The following PRIM2 variants were observed in gnomAD, a reference collection of about 807,000 sequenced individuals.
The protein encoded by PRIM2 is DNA primase subunit 2, also known as DNA primase large subunit.
PRIM2 carries 39 observed loss-of-function variants against 67.3 expected under a neutral mutation model. The ratio of observed to expected loss-of-function variants is 0.58; its 90% confidence interval spans 0.45 to 0.76. PRIM2 has a LOEUF of 0.76. Ranked by LOEUF, PRIM2 falls within the 30% of genes least tolerant of loss-of-function variation. PRIM2 has a pLI of 0.00. For missense variants in PRIM2, 398 were observed against 598.7 expected (o/e 0.66, Z 3.50); for synonymous variants, 143 against 198.7 (o/e 0.72, Z 2.36).
At chr6:57,344,635 A>T (rs1768609388) in intron 5 of PRIM2, among the ~76,000 whole-genome samples, 1 of 152,230 alleles carries the variant, frequency 6.6e-6, no homozygotes, top group African/African-American at 2.4e-5. Context: ...CCAACCTGGT[A>T]TTATTTTATG....
the PRIM2 span, among the ~76,000 whole-genome samples, chr6:57,298,896 A>C: frequency 1.3e-5 from 2 of 151,620 alleles, no homozygotes; most frequent in South Asian, 4.2e-4. Flanking sequence ...TGCCTCCCCC[A>C]CCCTATTCTC....
At chr6:57,620,399 G>A (rs1289039988) in intron 12 of PRIM2, among the ~76,000 whole-genome samples, 6 of 152,104 alleles carry the variant, frequency 3.9e-5, no homozygotes, top group Admixed American at 6.5e-5. Context: ...AGGGATTAGG[G>A]CCCTATCTAC....
chr6:57,532,751 G>A (rs1378798699), intron 9 of PRIM2, among the ~76,000 whole-genome samples: 9 of 152,124 alleles, frequency 5.9e-5, no homozygotes, highest in Admixed American at 5.2e-4. Flanking sequence ...TGGAGTTTGT[G>A]TTTACATTTA....
At chr6:57,271,175 A>C in the PRIM2 span, among the ~76,000 whole-genome samples, 1 of 152,114 alleles carries the variant, frequency 6.6e-6, no homozygotes, top group Non-Finnish European at 1.5e-5. Flanking sequence ...CTCTTTCTCT[A>C]TTCATTGGAC....
chr6:57,421,740 T>A (rs1371939341), intron 7 of PRIM2, among the ~76,000 whole-genome samples: 5 of 152,208 alleles, frequency 3.3e-5, no homozygotes, highest in South Asian at 4.1e-4. Context: ...TGACTATTGG[T>A]GGTTAGAGTC....
chr6:57,474,898 C>A lies in PRIM2; in HGVS notation c.694-32489C>A, dbSNP rs1236283834. ...CTTCAATGCTGACACTGGCATAGAA[C>A]TCCTGGTAGCATACTCTTTTTTTCC... On this transcript the variant is annotated intron_variant, in intron 7 of 13. Coordinates refer to ENST00000615550, the MANE Select transcript of PRIM2 (RefSeq NM_000947.5). Among the ~76,000 whole-genome samples the A allele has an allele frequency of 2.0e-5, 3 of 152,200 alleles. No individual in the cohort carries two copies. In the East Asian group the frequency reaches 5.8e-4, roughly 29 times the overall value.
intron 5 of PRIM2, among the ~76,000 whole-genome samples, chr6:57,378,267 T>G (rs1769838844): frequency 6.6e-6 from 1 of 151,944 alleles, no homozygotes; most frequent in Non-Finnish European, 1.5e-5. Flanking sequence ...GGTCTCACCG[T>G]GTTGCCCAGG....
intron 5 of PRIM2, among the ~76,000 whole-genome samples, chr6:57,332,226 G>T (rs146831630): frequency 2.8e-4 from 42 of 152,038 alleles, no homozygotes; most frequent in African/African-American, 9.2e-4. Context: ...TTTAGTTTGA[G>T]AATATATTTT....
chr6:57,368,649 G>A (rs1769446521), intron 5 of PRIM2, among the ~76,000 whole-genome samples: 5 of 152,124 alleles, frequency 3.3e-5, no homozygotes, highest in Admixed American at 3.3e-4. Context: ...TTTTGGGGAT[G>A]GGTATGGCAT....
Position 57,627,420 on chromosome 6 carries a change from G to A in PRIM2, c.1231-4713G>A, listed in dbSNP as rs1209019639. Among the ~76,000 whole-genome samples the A allele has an allele frequency of 6.7e-5, 10 of 148,284 alleles. No individual in the cohort carries two copies. In the East Asian group the frequency reaches 2.0e-3, roughly 30 times the overall value. Reference sequence around the variant, plus strand: ...TTGTTTTTTTCTGAGATGGAGTCTTGCTCTGTCACCCAGGCTGGAGTGTAG... The same window carrying A: ...TTGTTTTTTTCTGAGATGGAGTCTTACTCTGTCACCCAGGCTGGAGTGTAG... On this transcript the variant is annotated intron_variant, in intron 12 of 13. Transcript: ENST00000615550.
chr6:57,385,642 C>G (rs1770119316), intron 7 of PRIM2, among the ~76,000 whole-genome samples: 2 of 152,226 alleles, frequency 1.3e-5, no homozygotes, highest in South Asian at 4.1e-4. Flanking sequence ...ATTTAGTTGT[C>G]ACGTCTCTTT....
intron 5 of PRIM2, among the ~76,000 whole-genome samples, chr6:57,356,429 T>G (rs563996415): frequency 6.6e-6 from 1 of 152,216 alleles, no homozygotes; most frequent in Non-Finnish European, 1.5e-5. Flanking sequence ...CAAATGATAA[T>G]GTATAGGGAG....
the PRIM2 span, among the ~76,000 whole-genome samples, chr6:57,308,458 T>C: frequency 6.6e-6 from 1 of 152,150 alleles, no homozygotes; most frequent in Non-Finnish European, 1.5e-5. Flanking sequence ...TGGTTTCCAG[T>C]GTTTGAGTAT....
intron 8 of PRIM2, among the ~76,000 whole-genome samples, chr6:57,515,303 T>A (rs1275158228): frequency 6.6e-6 from 1 of 152,218 alleles, no homozygotes; most frequent in Non-Finnish European, 1.5e-5. Context: ...GTGAACAGTT[T>A]CTGTGTGTTC....
chr6:57,575,874 G>C (rs1446628205), intron 10 of PRIM2, among the ~76,000 whole-genome samples: 14,319 of 152,120 alleles, frequency 0.094, 836 homozygotes, highest in African/African-American at 0.16. Flanking sequence ...CACCTCCTGG[G>C]TTCAAGCTAT....
chr6:57,336,018 G>A (rs990786299), intron 5 of PRIM2, among the ~76,000 whole-genome samples: 1 of 151,858 alleles, frequency 6.6e-6, no homozygotes, highest in East Asian at 1.9e-4. Flanking sequence ...GCTTAAAGGA[G>A]CTGATGGAGC....
chr6:57,508,415 A>G (rs1554347410), intron 8 of PRIM2, among the ~76,000 whole-genome samples: 10,603 of 152,230 alleles, frequency 0.07, 525 homozygotes, highest in East Asian at 0.21. Context: ...TATCTGTACT[A>G]TAGCATATTT....
chr6:57,289,808 C>CTGAACA, the PRIM2 span, among the ~76,000 whole-genome samples: 3 of 152,156 alleles, frequency 2.0e-5, no homozygotes, highest in African/African-American at 7.2e-5. Flanking sequence ...GAAGGAAGCA[C>CTGAACA]TGAACATGGA....
chr6:57,362,261 A>G (rs1769225609), intron 5 of PRIM2, among the ~76,000 whole-genome samples: 1 of 152,214 alleles, frequency 6.6e-6, no homozygotes, highest in Admixed American at 6.5e-5. Context: ...AATATACGAT[A>G]GAAATATAAA....
Sources: gnomAD v4.1 joint callset for allele counts (sites outside exome capture counted in the v4.1 genomes callset) on GRCh38, gnomAD v4.1.1 for gene constraint, MANE v1.5 for transcripts, NCBI Gene and HGNC (gene_info 2026-07-23, HGNC 2026-07-21) for gene names.